Variants in CACNA1B observed in about 807,000 individuals in gnomAD.
The protein encoded by CACNA1B is calcium voltage-gated channel subunit alpha1 B.
A neutral mutation model predicts 247.2 loss-of-function variants in CACNA1B; 70 were observed. That is an observed-to-expected ratio of 0.28 (90% confidence interval 0.23 to 0.35). The LOEUF (loss-of-function observed/expected upper bound fraction) is 0.35, where lower values mean the gene tolerates loss of function less well. Among genes scored for constraint, CACNA1B ranks in the 10% least tolerant of loss-of-function variants. CACNA1B has a pLI of 1.00. For missense variants in CACNA1B, 2,367 were observed against 3,197.4 expected (o/e 0.74, Z 6.26); for synonymous variants, 1,231 against 1,294.4 (o/e 0.95, Z 1.05).
At chr9:138,092,364 A>AG (rs1030562901) in intron 36 of CACNA1B, among the ~76,000 whole-genome samples, 4 of 152,212 alleles carry the variant, frequency 2.6e-5, no homozygotes, top group African/African-American at 9.7e-5. Flanking sequence ...TTCCTTTCCC[A>AG]GGGTTATTCC....
chr9:138,027,071 T>C (rs936579201), intron 20 of CACNA1B, among the ~76,000 whole-genome samples: 3 of 152,394 alleles, frequency 2.0e-5, no homozygotes, highest in Admixed American at 6.5e-5. Flanking sequence ...TTTTCTTTGA[T>C]GAGATTCCTA....
chr9:138,113,715 G>A (rs35392415), intron 40 of CACNA1B, among the ~76,000 whole-genome samples: 17,137 of 121,212 alleles, frequency 0.14, 849 homozygotes, highest in Middle Eastern at 0.22. Flanking sequence ...CATCTTGCGG[G>A]AGACGTGAGG....
intron 20 of CACNA1B, among the ~76,000 whole-genome samples, chr9:138,041,697 A>G (rs762375733): frequency 6.6e-6 from 1 of 152,182 alleles, no homozygotes; most frequent in Non-Finnish European, 1.5e-5. Flanking sequence ...TATTTCGAGC[A>G]GCAGAAGTCT....
chr9:138,041,784 T>G (rs1055720662), intron 20 of CACNA1B, among the ~76,000 whole-genome samples: 8 of 152,196 alleles, frequency 5.3e-5, no homozygotes, highest in African/African-American at 1.9e-4. Context: ...AGAGACAATC[T>G]CATTCTGTCA....
At position 138,025,142 on chromosome 9, in the gene CACNA1B, G is replaced by A; in HGVS notation, c.3256G>A (p.Gly1086Ser). The A allele has an allele frequency of 6.2e-7, 1 of 1,612,372 alleles. No homozygotes were observed. Residue 1086 changes from glycine (G) to serine (S), a missense_variant, in exon 20 of 47, where the codon GGC (glycine) becomes AGC (serine). This residue lies in a region of CACNA1B where 631 missense variants were observed against 631.1 expected (regional missense o/e 1.00). Coordinates refer to ENST00000371372, the MANE Select transcript of CACNA1B (RefSeq NM_000718.4). ...TGTACATATCCCAGTGATGCTGACG[G>A]GCCCTCTTGGGGAAGCCACGGTCGT... Reference protein sequence around the residue: ...TIVHIPVMLTGPLGEATVVPS... With the variant: ...TIVHIPVMLTSPLGEATVVPS...
chr9:137,965,881 C>T (rs927810969), intron 10 of CACNA1B, among the ~76,000 whole-genome samples: 5 of 152,222 alleles, frequency 3.3e-5, no homozygotes, highest in African/African-American at 1.2e-4. Context: ...CTGTGCCCAG[C>T]TCATTTTATT....
chr9:137,893,543 CA>C (rs1957135017), intron 3 of CACNA1B, among the ~76,000 whole-genome samples: 1 of 151,376 alleles, frequency 6.6e-6, no homozygotes, highest in South Asian at 2.1e-4. Context: ...CCCACTTACT[CA>C]GGGGGCTGAG....
At position 138,054,698 on chromosome 9, in the gene CACNA1B, G is replaced by T. The variant is rs1012554827; in HGVS notation, c.3968+692G>T. ...TGGGGAGGTGTATCTGTCTGGTAGT[G>T]GAATTGCCGGGTCCTGGGTGTGCGT... On this transcript the variant is annotated intron_variant, in intron 26 of 46. Coordinates refer to ENST00000371372, the MANE Select transcript of CACNA1B (RefSeq NM_000718.4). This position sits in a 1 kb window ranked among gnomAD's most constrained non-coding sequence, Gnocchi z 4.6. Among the ~76,000 whole-genome samples, 5 of 152,214 alleles carry T rather than the reference G, an allele frequency of 3.3e-5. No individual in the cohort carries two copies. The highest frequency in any genetic ancestry group is 5.9e-5 in the Non-Finnish European group (4 of 68,032).
At chr9:137,946,182 C>T (rs1463348565) in intron 6 of CACNA1B, among the ~76,000 whole-genome samples, 1 of 152,092 alleles carries the variant, frequency 6.6e-6, no homozygotes, top group Non-Finnish European at 1.5e-5. Context: ...TACAAGATGC[C>T]TTTTTATATA....
At position 137,973,989 on chromosome 9, in the gene CACNA1B, T is replaced by TC. The variant is rs998105632; in HGVS notation, c.1544-1915dup. 6.6e-6 allele frequency among the ~76,000 whole-genome samples: 1 copy of TC among 152,178 alleles called. No homozygotes were observed. The highest frequency in any genetic ancestry group is 1.5e-5 in the Non-Finnish European group (1 of 68,024). ...AGATCTAGGGTGTGGGTGCCAGCAG[T>TC]CCCATCTCTGGGGCCTCTCCTCCCT... On this transcript the variant is annotated intron_variant, in intron 11 of 46. Coordinates refer to ENST00000371372, the MANE Select transcript of CACNA1B (RefSeq NM_000718.4). The surrounding 1 kb of genome is among the most constrained non-coding windows in gnomAD (Gnocchi z 4.1).
intron 19 of CACNA1B, among the ~76,000 whole-genome samples, chr9:138,024,594 T>C (rs1198284991): frequency 6.6e-6 from 1 of 152,098 alleles, no homozygotes; most frequent in Non-Finnish European, 1.5e-5. Flanking sequence ...GCATGGAGGC[T>C]TAAGGGTTTT....
At chr9:138,019,566 G>A (rs1041558188) in intron 18 of CACNA1B, among the ~76,000 whole-genome samples, 4 of 150,936 alleles carry the variant, frequency 2.7e-5, no homozygotes, top group Non-Finnish European at 4.4e-5. Flanking sequence ...AAGTGGCCAG[G>A]TGCAGTTAGG....
chr9:137,893,777 C>T (rs1008164906), intron 3 of CACNA1B, among the ~76,000 whole-genome samples: 1 of 152,164 alleles, frequency 6.6e-6, no homozygotes, highest in Admixed American at 6.5e-5. Flanking sequence ...TTACCCAGTT[C>T]CCCCAAAGGA....
At position 138,121,014 on chromosome 9, in the gene CACNA1B, C is replaced by T. The variant is rs773682677; in HGVS notation, c.6489+133C>T. 1.0e-4 allele frequency: 109 copies of T among 1,074,544 alleles called. No homozygotes were observed. Among genetic ancestry groups the T allele is most frequent in the Non-Finnish European group, 1.3e-4 (96 of 761,656 alleles). The allele number at this position is 1,074,544 out of a possible 1,614,324, so 66.6% of individuals were successfully genotyped here. A position where few individuals can be genotyped will look rare whatever the true frequency, so the allele number is the denominator to read the frequency against. ...CATTCCCAGCAACCCAAGGGCCGGG[C>T]GCTCCCCTCTGTGCCCTGTCCCGGA... On this transcript the variant is annotated intron_variant, in intron 46 of 46. Transcript: ENST00000371372. The surrounding 1 kb of genome is among the most constrained non-coding windows in gnomAD (Gnocchi z 6.8).
At chr9:138,107,984 CAA>C (rs902680099) in intron 39 of CACNA1B, among the ~76,000 whole-genome samples, 1 of 71,080 alleles carries the variant, frequency 1.4e-5, no homozygotes. Context: ...GACTCTGTCT[CAA>C]AAAAAAAAGA....
intron 32 of CACNA1B, among the ~76,000 whole-genome samples, 157 bp downstream of exon 32, chr9:138,069,920 C>T (rs1960061643): frequency 1.3e-5 from 2 of 152,230 alleles, no homozygotes; most frequent in Admixed American, 6.5e-5. Flanking sequence ...GGACTTGCTC[C>T]CTCGGCTCTG....
At chr9:138,039,341 T>C (rs1959088047) in intron 20 of CACNA1B, among the ~76,000 whole-genome samples, 1 of 152,244 alleles carries the variant, frequency 6.6e-6, no homozygotes, top group Admixed American at 6.5e-5. Flanking sequence ...TTTTGTCTTT[T>C]TACCTTGCTT....
Position 137,974,308 on chromosome 9 carries a change from C to G in CACNA1B, c.1544-1599C>G, listed in dbSNP as rs763421896. On this transcript the variant is annotated intron_variant, in intron 11 of 46. Transcript: ENST00000371372. This position sits in a 1 kb window ranked among gnomAD's most constrained non-coding sequence, Gnocchi z 4.5. ...TGAGGGTCGCTGGGCATCCATGCCTCTCACAGGGGGCTCTCGGCTTCTCCA... is the reference window on the plus strand; with the variant it reads ...TGAGGGTCGCTGGGCATCCATGCCTGTCACAGGGGGCTCTCGGCTTCTCCA... Among the ~76,000 whole-genome samples, 1 of 152,210 alleles carries G rather than the reference C, an allele frequency of 6.6e-6. No individual in the cohort carries two copies. The highest frequency in any genetic ancestry group is 1.9e-4 in the East Asian group (1 of 5,198).
rs1958707676 is a variant in CACNA1B at position 138,010,291 on chromosome 9, TCAGGGAAGCCAGCA to T, written c.2160+223_2160+236del. Among the ~76,000 whole-genome samples, 3 of 152,266 alleles carry T rather than the reference TCAGGGAAGCCAGCA, an allele frequency of 2.0e-5. No homozygotes were observed. Among genetic ancestry groups the T allele is most frequent in the Admixed American group, 2.0e-4 (3 of 15,308 alleles). The stretch of plus-strand genomic sequence containing the variant: ...CGAAGGCAGATGGACAGGCAGGCTC[TCAGGGAAGCCAGCA>T]CAGGGAAGAATGGCCTGAACGGCAG... On this transcript the variant is annotated intron_variant, in intron 17 of 46. Coordinates refer to ENST00000371372, the MANE Select transcript of CACNA1B (RefSeq NM_000718.4). This position sits in a 1 kb window ranked among gnomAD's most constrained non-coding sequence, Gnocchi z 5.3.
Sources: gnomAD v4.1 joint callset for allele counts (sites outside exome capture counted in the v4.1 genomes callset) on GRCh38, gnomAD v4.1.1 for gene constraint, gnomAD v4.1.1 regional missense constraint, Gnocchi (gnomAD v3.1) non-coding constraint, MANE v1.5 for transcripts, NCBI Gene and HGNC (gene_info 2026-07-23, HGNC 2026-07-21) for gene names.